SNTB1: variants seen among roughly 807,000 people sequenced by gnomAD.
SNTB1 encodes syntrophin beta 1.
SNTB1 carries 36 observed loss-of-function variants against 48.9 expected under a neutral mutation model. The observed-to-expected ratio is 0.74, with a 90% confidence interval of 0.56 to 0.97. The LOEUF (loss-of-function observed/expected upper bound fraction) is 0.97. Among genes scored for constraint, SNTB1 ranks in the 50% least tolerant of loss-of-function variants. The pLI is 0.00. For missense variants in SNTB1, 786 were observed against 703.4 expected, an observed-to-expected ratio of 1.12 and a Z score of -1.33; for synonymous variants, 299 against 294.6, an observed-to-expected ratio of 1.01 and a Z score of -0.15.
intron 2 of SNTB1, chr8:120,637,043 A>G (rs1158831908): frequency 2.7e-6 from 1 of 371,286 alleles, no homozygotes; most frequent in East Asian, 7.8e-5. Context: ...TAAGTAACTG[A>G]ACAACATTTC....
intron 1 of SNTB1, among the ~76,000 whole-genome samples, chr8:120,807,330 G>T (rs1339645165): frequency 1.3e-5 from 2 of 152,234 alleles, no homozygotes; most frequent in Non-Finnish European, 2.9e-5. Context: ...CGTTTGTGCA[G>T]GTGCACTGTG....
intron 3 of SNTB1, among the ~76,000 whole-genome samples, chr8:120,577,864 T>G (rs1012622594): frequency 6.6e-6 from 1 of 152,194 alleles, no homozygotes; most frequent in African/African-American, 2.4e-5. Flanking sequence ...AAGAGCGCTG[T>G]GTGGATATGG....
chr8:120,589,545 C>T (rs941844227), intron 3 of SNTB1, among the ~76,000 whole-genome samples: 1 of 152,162 alleles, frequency 6.6e-6, no homozygotes, highest in African/African-American at 2.4e-5. Context: ...GCTTAAACAA[C>T]AACATTATTT....
At chr8:120,619,486 C>A (rs1220041570) in intron 3 of SNTB1, among the ~76,000 whole-genome samples, 1 of 152,076 alleles carries the variant, frequency 6.6e-6, no homozygotes, top group Non-Finnish European at 1.5e-5. Context: ...ATCTATGATC[C>A]ATTTGAAGCT....
chr8:120,800,813 T>C (rs541657677), intron 1 of SNTB1, among the ~76,000 whole-genome samples: 2 of 152,144 alleles, frequency 1.3e-5, no homozygotes, highest in Non-Finnish European at 2.9e-5. Context: ...GGCTAAAAAA[T>C]GGAATGATAC....
At chr8:120,687,097 A>C (rs1818047706) in intron 2 of SNTB1, among the ~76,000 whole-genome samples, 1 of 152,190 alleles carries the variant, frequency 6.6e-6, no homozygotes, top group South Asian at 2.1e-4. Flanking sequence ...AAGTTTAATA[A>C]ATTTGAGAGT....
intron 3 of SNTB1, among the ~76,000 whole-genome samples, chr8:120,606,749 A>C (rs1563829955): frequency 6.6e-6 from 1 of 152,208 alleles, no homozygotes; most frequent in Non-Finnish European, 1.5e-5. Flanking sequence ...AGTGCTTTTA[A>C]ATTCTAAAGA....
intron 2 of SNTB1, among the ~76,000 whole-genome samples, chr8:120,666,802 G>C (rs1486675381): frequency 3.3e-5 from 5 of 151,934 alleles, no homozygotes; most frequent in African/African-American, 9.7e-5. Context: ...TGTTTCATTA[G>C]GAATAGTTTC....
chr8:120,782,375 A>G (rs921958466), intron 1 of SNTB1, among the ~76,000 whole-genome samples: 5 of 152,154 alleles, frequency 3.3e-5, no homozygotes, highest in African/African-American at 1.2e-4. Context: ...AAATCCTTGA[A>G]GCCTTCCCTC....
At chr8:120,674,317 G>T (rs138228322) in intron 2 of SNTB1, among the ~76,000 whole-genome samples, 1 of 152,308 alleles carries the variant, frequency 6.6e-6, no homozygotes, top group African/African-American at 2.4e-5. Flanking sequence ...TTCCTTCAGG[G>T]AGTATTTATT....
intron 4 of SNTB1, among the ~76,000 whole-genome samples, chr8:120,555,233 T>C (rs1815547460): frequency 6.6e-6 from 1 of 152,130 alleles, no homozygotes; most frequent in Non-Finnish European, 1.5e-5. Context: ...GGAGGTTTAA[T>C]AGGTAGAAGA....
intron 1 of SNTB1, among the ~76,000 whole-genome samples, chr8:120,731,726 C>T (rs943309106): frequency 2.6e-5 from 4 of 152,128 alleles, no homozygotes; most frequent in African/African-American, 9.7e-5. Flanking sequence ...GAGTACCAGA[C>T]CCAGAACCAG....
chr8:120,662,578 G>A lies in SNTB1; in HGVS notation c.789-29927C>T, dbSNP rs550706017. Among the ~76,000 whole-genome samples, 72 of 152,278 alleles carry A rather than the reference G, an allele frequency of 4.7e-4. 1 individual carries two copies. The highest frequency in any genetic ancestry group is 1.7e-3 in the African/African-American group (70 of 41,564). ...TTGGGAGGAGCAGGCAGTGGAGAGC[G>A]AGAGGAGAATGCTGTGTGTGCTGCC... On this transcript the variant is annotated intron_variant, in intron 2 of 6. Coordinates refer to ENST00000517992, the MANE Select transcript of SNTB1 (RefSeq NM_021021.4).
chr8:120,737,843 A>G (rs1450629742), intron 1 of SNTB1, among the ~76,000 whole-genome samples: 1 of 152,204 alleles, frequency 6.6e-6, no homozygotes, highest in African/African-American at 2.4e-5. Flanking sequence ...AAGGCAACAT[A>G]TAAGTGGCTG....
intron 2 of SNTB1, among the ~76,000 whole-genome samples, chr8:120,659,292 T>A (rs1143140): frequency 6.6e-6 from 1 of 152,122 alleles, no homozygotes; most frequent in Non-Finnish European, 1.5e-5. Context: ...AATCCTTTCT[T>A]GTCATGTCAC....
At chr8:120,583,813 G>A (rs530019769) in intron 3 of SNTB1, among the ~76,000 whole-genome samples, 3 of 151,918 alleles carry the variant, frequency 2.0e-5, no homozygotes, top group South Asian at 2.1e-4. Context: ...AAACCAGTAC[G>A]CCTCATGAAC....
chr8:120,768,528 A>C (rs1326542889), intron 1 of SNTB1: 3 of 152,212 alleles, frequency 2.0e-5, no homozygotes, highest in African/African-American at 7.2e-5. Context: ...CACATGAATG[A>C]GTACACATAC....
chr8:120,720,206 T>G (rs1818635726), intron 1 of SNTB1, among the ~76,000 whole-genome samples: 1 of 152,216 alleles, frequency 6.6e-6, no homozygotes, highest in Non-Finnish European at 1.5e-5. Context: ...CCTGAGCATA[T>G]TAGACCTTCC....
intron 2 of SNTB1, among the ~76,000 whole-genome samples, chr8:120,671,420 T>C (rs892686800): frequency 2.0e-5 from 3 of 152,158 alleles, no homozygotes; most frequent in Admixed American, 6.5e-5. Context: ...GGACACACAA[T>C]GATATACACA....
Sources: allele counts gnomAD v4.1 joint callset (sites outside exome capture counted in the v4.1 genomes callset), GRCh38; gene constraint gnomAD v4.1.1; transcripts MANE v1.5; gene names NCBI Gene and HGNC (gene_info 2026-07-23, HGNC 2026-07-21).